Variants in STAG1 observed in about 807,000 individuals in gnomAD.
The protein encoded by STAG1 is STAG1 cohesin complex component.
A neutral mutation model predicts 170.9 loss-of-function variants in STAG1; 26 were observed. The ratio of observed to expected loss-of-function variants is 0.15; its 90% confidence interval spans 0.11 to 0.21. STAG1 has a LOEUF of 0.21. STAG1 is among the 10% of genes least tolerant of loss of function. STAG1 has a pLI of 1.00. For synonymous variants in STAG1, 514 were observed against 497.7 expected (o/e 1.03, Z -0.44); for missense variants, 964 against 1,509.5 (o/e 0.64, Z 5.99).
At chr3:136,713,353 C>T (rs569227286) in intron 1 of STAG1, among the ~76,000 whole-genome samples, 62 of 151,528 alleles carry the variant, frequency 4.1e-4, no homozygotes, top group African/African-American at 1.4e-3. Flanking sequence ...GAGGCCAAGG[C>T]GGGACAATCA....
intron 1 of STAG1, among the ~76,000 whole-genome samples, chr3:136,648,513 C>T (rs1262524234): frequency 6.6e-6 from 1 of 152,204 alleles, no homozygotes; most frequent in Non-Finnish European, 1.5e-5. Context: ...GTCAGGACAT[C>T]CCACAAATTG....
At chr3:136,681,461 C>T (rs1214451233) in intron 1 of STAG1, among the ~76,000 whole-genome samples, 1 of 152,128 alleles carries the variant, frequency 6.6e-6, no homozygotes, top group African/African-American at 2.4e-5. Context: ...AATACACTCC[C>T]TTAACTCAGG....
intron 6 of STAG1, among the ~76,000 whole-genome samples, chr3:136,525,165 G>A (rs1443773512): frequency 6.6e-6 from 1 of 152,166 alleles, no homozygotes; most frequent in Non-Finnish European, 1.5e-5. Context: ...GTTTCAGAAG[G>A]AATGGTACCA....
intron 7 of STAG1, chr3:136,518,072 G>A (rs2107899065): frequency 3.8e-6 from 1 of 260,328 alleles, no homozygotes; most frequent in Non-Finnish European, 7.1e-6. Flanking sequence ...TAATAAAAAT[G>A]TAAAAGTATA....
intron 6 of STAG1, among the ~76,000 whole-genome samples, chr3:136,530,377 T>C (rs1935311818): frequency 6.6e-6 from 1 of 152,134 alleles, no homozygotes; most frequent in South Asian, 2.1e-4. Context: ...GACTTGACAT[T>C]TATAGGACAT....
At chr3:136,658,414 AT>A (rs1941465684) in intron 1 of STAG1, among the ~76,000 whole-genome samples, 1 of 152,194 alleles carries the variant, frequency 6.6e-6, no homozygotes, top group African/African-American at 2.4e-5. Context: ...ATCAAAGGTA[AT>A]TTAGGGTGTT....
At chr3:136,397,699 G>A (rs1194998860) in intron 22 of STAG1, among the ~76,000 whole-genome samples, 3 of 152,078 alleles carry the variant, frequency 2.0e-5, no homozygotes, top group Non-Finnish European at 4.4e-5. Flanking sequence ...GGCCACCTAT[G>A]AGACATTCTA....
At chr3:136,478,165 T>A (rs946543062) in intron 9 of STAG1, among the ~76,000 whole-genome samples, 1 of 152,154 alleles carries the variant, frequency 6.6e-6, no homozygotes, top group Non-Finnish European at 1.5e-5. Flanking sequence ...AAGGCACAGG[T>A]CTTTCATCTG....
chr3:136,640,518 G>C (rs1210422703), intron 1 of STAG1, among the ~76,000 whole-genome samples: 1 of 149,484 alleles, frequency 6.7e-6, no homozygotes, highest in Non-Finnish European at 1.5e-5. Context: ...ACAGGTGCCC[G>C]CCACCATGCC....
chr3:136,457,604 G>C (rs1471902822), intron 13 of STAG1, among the ~76,000 whole-genome samples: 2 of 152,050 alleles, frequency 1.3e-5, no homozygotes, highest in Admixed American at 1.3e-4. Context: ...TCATTCCTTT[G>C]ACTCTGCTGG....
At chr3:136,532,230 T>C (rs1013109979) in intron 6 of STAG1, among the ~76,000 whole-genome samples, 4 of 152,170 alleles carry the variant, frequency 2.6e-5, no homozygotes, top group African/African-American at 4.8e-5. Context: ...AACAAATTGC[T>C]TGATCATGGT....
At position 136,633,722 on chromosome 3, in the gene STAG1, G is replaced by T. The variant is rs1320350598; in HGVS notation, c.-83-2741C>A. ...ATATCAAAAAAAAAGGGGGGGGGGG[G>T]GGTCAGGGGCACAGATATTATAGGC... On this transcript the variant is annotated intron_variant, in intron 1 of 33. Coordinates refer to ENST00000383202, the MANE Select transcript of STAG1 (RefSeq NM_005862.3). 1.6e-4 allele frequency among the ~76,000 whole-genome samples: 21 copies of T among 129,142 alleles called. No homozygotes were observed. The South Asian group carries it at 2.3e-3, about 14-fold the overall frequency. 84.7% of individuals were successfully genotyped at this position (129,142 alleles called of 152,430 possible). A position where few individuals can be genotyped will look rare whatever the true frequency, so the allele number is the denominator to read the frequency against.
intron 1 of STAG1, among the ~76,000 whole-genome samples, chr3:136,700,797 G>T (rs1304580014): frequency 2.0e-5 from 3 of 151,042 alleles, no homozygotes; most frequent in Non-Finnish European, 4.4e-5. Context: ...TTTATAATGG[G>T]ATTACTAGCA....
intron 11 of STAG1, 69 bp from the exon 12 acceptor site, chr3:136,472,561 T>C (rs1444683616): frequency 8.9e-7 from 1 of 1,125,584 alleles, no homozygotes; most frequent in Non-Finnish European, 1.3e-6. Flanking sequence ...TCTAATATAA[T>C]GTATTCTGGG....
intron 9 of STAG1, among the ~76,000 whole-genome samples, chr3:136,494,705 A>G (rs1020796443): frequency 2.6e-5 from 4 of 152,186 alleles, no homozygotes; most frequent in African/African-American, 7.2e-5. Flanking sequence ...TCAAAACAGA[A>G]AAAATAAAGA....
chr3:136,641,748 A>G (rs1940806543), intron 1 of STAG1, among the ~76,000 whole-genome samples: 1 of 152,236 alleles, frequency 6.6e-6, no homozygotes, highest in East Asian at 1.9e-4. Context: ...ACAACTGATG[A>G]CATTTGAATA....
chr3:136,444,819 C>T lies in STAG1; in HGVS notation c.1429-1415G>A, dbSNP rs145859361. Reference sequence around the variant, plus strand: ...ACATTCAGCACTTGAGTTGGATTTCCTCCTCATTCCTAACTCTATAATCAC... The same window carrying T: ...ACATTCAGCACTTGAGTTGGATTTCTTCCTCATTCCTAACTCTATAATCAC... On this transcript the variant is annotated intron_variant, in intron 14 of 33. Coordinates refer to ENST00000383202, the MANE Select transcript of STAG1 (RefSeq NM_005862.3). Among the ~76,000 whole-genome samples the T allele has an allele frequency of 2.0e-4, 31 of 152,198 alleles. No homozygotes were observed. In the East Asian group the frequency reaches 5.8e-3, roughly 29 times the overall value.
intron 6 of STAG1, among the ~76,000 whole-genome samples, chr3:136,532,235 C>T (rs549472327): frequency 5.3e-5 from 8 of 152,244 alleles, no homozygotes; most frequent in Non-Finnish European, 1.2e-4. Context: ...ATTGCTTGAT[C>T]ATGGTATATT....
intron 15 of STAG1, among the ~76,000 whole-genome samples, chr3:136,439,677 T>C (rs1308451417): frequency 6.6e-6 from 1 of 152,220 alleles, no homozygotes; most frequent in Admixed American, 6.5e-5. Context: ...TTAATTTAGA[T>C]GCCACTCCAT....
Sources: gnomAD v4.1 joint callset for allele counts (sites outside exome capture counted in the v4.1 genomes callset) on GRCh38, gnomAD v4.1.1 for gene constraint, MANE v1.5 for transcripts, NCBI Gene and HGNC (gene_info 2026-07-23, HGNC 2026-07-21) for gene names.